Variants in IL1RAPL1 observed in about 807,000 individuals in gnomAD.
IL1RAPL1 encodes the protein interleukin 1 receptor accessory protein like 1, also known as interleukin-1 receptor accessory protein-like 1.
A neutral mutation model predicts 48.4 loss-of-function variants in IL1RAPL1; 3 were observed. The observed-to-expected ratio is 0.06, with a 90% CI of 0.03 to 0.16. The LOEUF (loss-of-function observed/expected upper bound fraction) is 0.16. IL1RAPL1 is among the 10% of genes least tolerant of loss of function. The pLI, the probability that IL1RAPL1 is intolerant of heterozygous loss-of-function variation, is 1.00. For synonymous variants in IL1RAPL1, 185 were observed against 187.7 expected, an observed-to-expected ratio of 0.99 and a Z score of 0.12; for missense variants, 349 against 530.6, an observed-to-expected ratio of 0.66 and a Z score of 3.36.
intron 2 of IL1RAPL1, among the ~76,000 whole-genome samples, chrX:29,051,164 C>T (rs908241177): frequency 8.9e-6 from 1 of 112,180 alleles, no homozygotes; most frequent in African/African-American, 3.2e-5. Context: ...CAAACCGGAA[C>T]ATGTGTTGTA....
At chrX:29,142,178 CTTA>C (rs928504306) in intron 2 of IL1RAPL1, among the ~76,000 whole-genome samples, 1 of 111,655 alleles carries the variant, frequency 9.0e-6, no homozygotes, top group African/African-American at 3.3e-5. Flanking sequence ...CTTGTTCAAT[CTTA>C]TTATTTAAAA....
chrX:29,720,686 G>A (rs1238762865), intron 6 of IL1RAPL1, among the ~76,000 whole-genome samples: 1 of 110,631 alleles, frequency 9.0e-6, no homozygotes, highest in Non-Finnish European at 1.9e-5. Context: ...AAACTACCAT[G>A]GCACATGTAT....
At chrX:28,821,205 A>G (rs751153043) in intron 2 of IL1RAPL1, among the ~76,000 whole-genome samples, 1 of 112,182 alleles carries the variant, frequency 8.9e-6, no homozygotes, top group South Asian at 3.7e-4. Context: ...TTGAATTTAG[A>G]TTTAATTAAT....
intron 3 of IL1RAPL1, among the ~76,000 whole-genome samples, chrX:29,293,877 TGAAGA>T (rs1932408026): frequency 9.0e-6 from 1 of 110,775 alleles, no homozygotes; most frequent in African/African-American, 3.3e-5. Context: ...ATGCACTAAG[TGAAGA>T]GAAATTGATT....
intron 2 of IL1RAPL1, among the ~76,000 whole-genome samples, chrX:28,811,455 A>G (rs141698276): frequency 9.3e-4 from 103 of 110,658 alleles, no homozygotes; most frequent in African/African-American, 3.0e-3. Context: ...ATTGCTATCA[A>G]TATTCTGAAG....
At chrX:29,801,952 G>A (rs1929916375) in intron 6 of IL1RAPL1, among the ~76,000 whole-genome samples, 2 of 112,144 alleles carry the variant, frequency 1.8e-5, no homozygotes, top group African/African-American at 6.5e-5. Context: ...ATAGTTACAG[G>A]AAATATAATT....
intron 2 of IL1RAPL1, among the ~76,000 whole-genome samples, chrX:28,998,417 C>G (rs1427326756): frequency 8.9e-6 from 1 of 111,836 alleles, no homozygotes; most frequent in African/African-American, 3.2e-5. Flanking sequence ...ACAAATCTCT[C>G]TCAACATATT....
chrX:29,011,611 G>C (rs185162737), intron 2 of IL1RAPL1, among the ~76,000 whole-genome samples: 174 of 111,950 alleles, frequency 1.6e-3, no homozygotes, highest in African/African-American at 5.5e-3. Context: ...GTTGCCTAAA[G>C]ACAGTGAAGG....
chrX:28,762,778 A>ATG (rs1936186787), intron 1 of IL1RAPL1, among the ~76,000 whole-genome samples: 1 of 80,086 alleles, frequency 1.2e-5, no homozygotes, highest in Non-Finnish European at 2.3e-5. Context: ...TCTAATACGC[A>ATG]CGCGCGCGCA....
intron 6 of IL1RAPL1, among the ~76,000 whole-genome samples, chrX:29,802,028 C>T (rs1929919900): frequency 8.9e-6 from 1 of 111,792 alleles, no homozygotes; most frequent in South Asian, 3.7e-4. Flanking sequence ...TAAATATTCA[C>T]GAGTAATATT....
At position 29,869,184 on chromosome X, in the gene IL1RAPL1, A is replaced by G. The variant is rs970232568; in HGVS notation, c.779-48280A>G. ...ATGTTAAGTCATAAGATACATTTCA[A>G]CGTTTTAAAACACACACAGAATACA... On this transcript the variant is annotated intron_variant, in intron 6 of 10. Coordinates refer to ENST00000378993, the MANE Select transcript of IL1RAPL1 (RefSeq NM_014271.4). Among the ~76,000 whole-genome samples, 7 of 112,361 alleles carry G rather than the reference A, an allele frequency of 6.2e-5. 1 individual carries two copies. The South Asian group carries it at 2.6e-3, about 41-fold the overall frequency.
At chrX:28,964,888 C>T (rs1924881538) in intron 2 of IL1RAPL1, among the ~76,000 whole-genome samples, 2 of 110,563 alleles carry the variant, frequency 1.8e-5, no homozygotes, top group South Asian at 7.6e-4. Flanking sequence ...TTTTTAATTG[C>T]GTACATGCAT....
In IL1RAPL1 at chrX:29,541,100, C is replaced by T. The variant is rs183659893; in HGVS notation, c.704-127330C>T. On this transcript the variant is annotated intron_variant, in intron 5 of 10. Coordinates refer to ENST00000378993, the MANE Select transcript of IL1RAPL1 (RefSeq NM_014271.4). ...GTTGGACAAACTAAAAACAAATAAC[C>T]CCATTAAAACTAGGCAAAAGACGTG... Among the ~76,000 whole-genome samples, 389 of 111,615 alleles carry T rather than the reference C, an allele frequency of 3.5e-3. 2 individuals carry two copies. Among genetic ancestry groups the T allele is most frequent in the African/African-American group, 9.9e-3 (305 of 30,724 alleles).
chrX:29,484,397 A>C (rs1029382131), intron 5 of IL1RAPL1, among the ~76,000 whole-genome samples: 2 of 111,723 alleles, frequency 1.8e-5, no homozygotes, highest in African/African-American at 3.3e-5. Flanking sequence ...ATTACCTCCC[A>C]AAATCCCCGC....
intron 6 of IL1RAPL1, among the ~76,000 whole-genome samples, chrX:29,848,000 TAAAA>T (rs755014547): frequency 9.0e-6 from 1 of 111,085 alleles, no homozygotes; most frequent in Admixed American, 9.6e-5. Context: ...TCTGATGTAA[TAAAA>T]AAAAGTTTTT....
At chrX:29,315,856 A>G (rs1932768632) in intron 3 of IL1RAPL1, among the ~76,000 whole-genome samples, 2 of 112,190 alleles carry the variant, frequency 1.8e-5, no homozygotes, top group African/African-American at 3.2e-5. Flanking sequence ...GATAGTGGGC[A>G]TGAGATGAGA....
chrX:28,659,962 A>G (rs1404357084), intron 1 of IL1RAPL1, among the ~76,000 whole-genome samples: 1 of 110,790 alleles, frequency 9.0e-6, no homozygotes, highest in African/African-American at 3.3e-5. Context: ...GGGCAGGAAA[A>G]CAAATATTCT....
intron 1 of IL1RAPL1, among the ~76,000 whole-genome samples, chrX:28,610,155 A>G (rs973801989): frequency 1.8e-5 from 2 of 111,830 alleles, no homozygotes; most frequent in Admixed American, 9.5e-5. Flanking sequence ...TACATTCCCC[A>G]CTGATAGGAT....
At chrX:29,608,653 CG>C (rs1289483381) in intron 5 of IL1RAPL1, among the ~76,000 whole-genome samples, 1 of 105,208 alleles carries the variant, frequency 9.5e-6, no homozygotes, top group East Asian at 3.0e-4. Flanking sequence ...GGTGAAACCC[CG>C]TCTCTACTAA....
Sources: gnomAD v4.1 joint callset for allele counts (sites outside exome capture counted in the v4.1 genomes callset) on GRCh38, gnomAD v4.1.1 for gene constraint, MANE v1.5 for transcripts, NCBI Gene and HGNC (gene_info 2026-07-23, HGNC 2026-07-21) for gene names.